Variants in EIF4G3 observed in about 807,000 individuals in gnomAD.
EIF4G3 encodes eukaryotic translation initiation factor 4 gamma 3, also known as eIF-4-gamma 3.
In EIF4G3, 34 loss-of-function variants were observed where a neutral mutation model predicts 186.4. That is an observed-to-expected ratio of 0.18 (90% CI 0.14 to 0.24). The LOEUF (loss-of-function observed/expected upper bound fraction) is 0.24, where lower values mean the gene tolerates loss of function less well. Among genes scored for constraint, EIF4G3 ranks in the 10% least tolerant of loss-of-function variants. The probability of loss-of-function intolerance (pLI) is 1.00; values close to 1 mark genes in which losing one functional copy is unlikely to be tolerated. For missense variants in EIF4G3, 1,536 were observed against 1,948.5 expected, an observed-to-expected ratio of 0.79 and a Z score of 3.99; for synonymous variants, 673 against 679.5, an observed-to-expected ratio of 0.99 and a Z score of 0.15.
intron 7 of EIF4G3, among the ~76,000 whole-genome samples, chr1:20,984,920 C>G (rs890062668): frequency 4.6e-5 from 7 of 152,120 alleles, no homozygotes; most frequent in African/African-American, 1.7e-4. Context: ...CATAAATGAC[C>G]TTGAAGGCAA....
chr1:20,887,062 A>G (rs1201523149), intron 18 of EIF4G3, among the ~76,000 whole-genome samples: 1 of 152,198 alleles, frequency 6.6e-6, no homozygotes, highest in Non-Finnish European at 1.5e-5. Flanking sequence ...CAAAATATTC[A>G]TAATTACTAT....
At chr1:20,866,344 A>G (rs2077563483) in intron 20 of EIF4G3, among the ~76,000 whole-genome samples, 1 of 152,226 alleles carries the variant, frequency 6.6e-6, no homozygotes, top group Non-Finnish European at 1.5e-5. Flanking sequence ...TCTCCAATGT[A>G]TTCCCTACGA....
chr1:20,810,606 G>A lies in EIF4G3; in HGVS notation c.4744+132C>T. ...CCCGGCCAAATTCAAATTTATTAAA[G>A]TTAGTTATATGAGTTTGTGTTATTA... On this transcript the variant is annotated intron_variant, in intron 36 of 36. Transcript: ENST00000602326. This position sits in a 1 kb window ranked among gnomAD's most constrained non-coding sequence, Gnocchi z 4.1. 1.8e-6 allele frequency: 2 copies of A among 1,120,726 alleles called. No homozygotes were observed. The highest frequency in any genetic ancestry group is 1.6e-5 in the African/African-American group (1 of 64,094). 69.4% of individuals were successfully genotyped at this position (1,120,726 alleles called of 1,614,324 possible). A position where few individuals can be genotyped will look rare whatever the true frequency, so the allele number is the denominator to read the frequency against.
At chr1:20,901,276 A>T (rs1338809450) in intron 15 of EIF4G3, among the ~76,000 whole-genome samples, 2 of 152,196 alleles carry the variant, frequency 1.3e-5, no homozygotes, top group African/African-American at 4.8e-5. Flanking sequence ...ACCAAATTTG[A>T]ATCATGAATC....
intron 4 of EIF4G3, among the ~76,000 whole-genome samples, chr1:21,022,501 G>C (rs2090973096): frequency 6.6e-6 from 1 of 152,170 alleles, no homozygotes; most frequent in South Asian, 2.1e-4. Context: ...TTTACTTCCT[G>C]TTCACAGTAA....
At chr1:20,919,223 C>A (rs75866792) in intron 14 of EIF4G3, among the ~76,000 whole-genome samples, 1 of 151,920 alleles carries the variant, frequency 6.6e-6, no homozygotes, top group African/African-American at 2.4e-5. Context: ...TTATTCTTTT[C>A]TTTTAGACAG....
At chr1:20,929,395 A>G (rs2095167275) in intron 14 of EIF4G3, 1 of 152,192 alleles carries the variant, frequency 6.6e-6, no homozygotes, top group Non-Finnish European at 1.5e-5. Flanking sequence ...TTTAATCAAC[A>G]TTATACATGC....
At chr1:20,864,311 A>T (rs2077097136) in intron 22 of EIF4G3, among the ~76,000 whole-genome samples, 165 bp downstream of exon 22, 1 of 152,246 alleles carries the variant, frequency 6.6e-6, no homozygotes, top group African/African-American at 2.4e-5. Flanking sequence ...TCTGATGGAA[A>T]TGTAAGGAGC....
intron 20 of EIF4G3, among the ~76,000 whole-genome samples, chr1:20,870,251 G>C (rs2078825726): frequency 6.6e-6 from 1 of 151,540 alleles, no homozygotes; most frequent in Admixed American, 6.6e-5. Flanking sequence ...CCTATTCTCA[G>C]TCCTGTCATT....
intron 26 of EIF4G3, among the ~76,000 whole-genome samples, chr1:20,854,712 T>TAA (rs2074377007): frequency 2.8e-4 from 41 of 148,044 alleles, no homozygotes; most frequent in African/African-American, 9.3e-4. Context: ...CTCAAAAATA[T>TAA]ATAAATAAAT....
chr1:20,902,129 T>C (rs1050223925), intron 15 of EIF4G3, among the ~76,000 whole-genome samples: 2 of 151,736 alleles, frequency 1.3e-5, no homozygotes, highest in Non-Finnish European at 2.9e-5. Flanking sequence ...AGTGGCGCGA[T>C]CTCGGCTCAC....
At chr1:20,930,766 G>C (rs2095270467) in intron 14 of EIF4G3, among the ~76,000 whole-genome samples, 1 of 152,150 alleles carries the variant, frequency 6.6e-6, no homozygotes, top group African/African-American at 2.4e-5. Flanking sequence ...TTCTACTGAA[G>C]TCTTGAGCCC....
rs2058166825 is a variant in EIF4G3 at position 20,806,701 on chromosome 1, C to T, written c.*618G>A. 1 of 149,062 alleles carries T rather than the reference C, an allele frequency of 6.7e-6. No homozygotes were observed. The highest frequency in any genetic ancestry group is 1.5e-5 in the Non-Finnish European group (1 of 67,394). The allele number at this position is 149,062 out of a possible 1,614,324, so 9.2% of individuals were successfully genotyped here. ...GGAGTTCTGTGGTCCACAGCATTTC[C>T]TTCTGTTTCAATGTTATGTATGTTT... On this transcript the variant is annotated 3_prime_UTR_variant, in exon 37 of 37. Transcript: ENST00000602326.
chr1:20,835,137 C>T (rs1409706578), intron 30 of EIF4G3, among the ~76,000 whole-genome samples: 1 of 152,006 alleles, frequency 6.6e-6, no homozygotes, highest in African/African-American at 2.4e-5. Context: ...CAATAGGTCA[C>T]AGAAGAAATT....
chr1:21,101,693 T>C (rs1373981463), intron 2 of EIF4G3, among the ~76,000 whole-genome samples: 1 of 151,744 alleles, frequency 6.6e-6, no homozygotes, highest in Non-Finnish European at 1.5e-5. Flanking sequence ...TTTAAATCAA[T>C]GTAATCAATA....
chr1:20,833,355 TTTA>T (rs1250215944), intron 30 of EIF4G3, among the ~76,000 whole-genome samples: 4 of 152,168 alleles, frequency 2.6e-5, no homozygotes, highest in Non-Finnish European at 4.4e-5. Context: ...TCCTAGGTAT[TTTA>T]TTCTTTTTGA....
At position 20,929,810 on chromosome 1, in the gene EIF4G3, G is replaced by A. The variant is rs115887427; in HGVS notation, c.1663+11681C>T. ...GACAAGGAAAAAGGGTAAGACTCAG[G>A]AGTGTTTGATGCTGTTGCTTTGATC... is the stretch of plus-strand genomic sequence containing the variant. On this transcript the variant is annotated intron_variant, in intron 14 of 36. Transcript: ENST00000602326. 5.2e-3 allele frequency among the ~76,000 whole-genome samples: 788 copies of A among 152,248 alleles called. 7 individuals carry two copies. Among genetic ancestry groups the A allele is most frequent in the African/African-American group, 0.018 (757 of 41,538 alleles).
At chr1:20,981,771 GTATATATACATACATATATGTATACA>G (rs2078328449) in intron 8 of EIF4G3, among the ~76,000 whole-genome samples, 1 of 150,042 alleles carries the variant, frequency 6.7e-6, no homozygotes, top group African/African-American at 2.5e-5. Flanking sequence ...CACACATACT[GTATATATACATACATATATGTATACA>G]CACATACTGT....
intron 14 of EIF4G3, among the ~76,000 whole-genome samples, chr1:20,912,661 A>G (rs1237739001): frequency 2.0e-5 from 3 of 152,248 alleles, no homozygotes; most frequent in Non-Finnish European, 4.4e-5. Flanking sequence ...TGGAACTTTC[A>G]GTGAGAGTTC....
Sources: gnomAD v4.1 joint callset for allele counts (sites outside exome capture counted in the v4.1 genomes callset) on GRCh38, gnomAD v4.1.1 for gene constraint, Gnocchi (gnomAD v3.1) non-coding constraint, MANE v1.5 for transcripts, NCBI Gene and HGNC (gene_info 2026-07-23, HGNC 2026-07-21) for gene names.